The following DENND1B variants were observed in gnomAD, a reference collection of about 807,000 sequenced individuals.
DENND1B encodes the protein DENN domain containing 1B, also known as DENN domain-containing protein 1B.
A neutral mutation model predicts 90.1 loss-of-function variants in DENND1B; 59 were observed. That is an observed-to-expected ratio of 0.65 (90% CI 0.53 to 0.81). The LOEUF is 0.81. Among genes scored for constraint, DENND1B ranks in the 40% least tolerant of loss-of-function variants. The pLI, the probability that DENND1B is intolerant of heterozygous loss-of-function variation, is 0.00. For missense variants in DENND1B, 862 were observed against 912.6 expected, an observed-to-expected ratio of 0.94 and a Z score of 0.71; for synonymous variants, 337 against 324.6, an observed-to-expected ratio of 1.04 and a Z score of -0.41.
At chr1:197,707,368 T>C (rs894858825) in intron 3 of DENND1B, among the ~76,000 whole-genome samples, 3 of 151,868 alleles carry the variant, frequency 2.0e-5, no homozygotes, top group Non-Finnish European at 4.4e-5. Flanking sequence ...TGTAGGGTGA[T>C]TATAATTAAC....
chr1:197,524,787 T>C (rs1266523323), intron 20 of DENND1B, among the ~76,000 whole-genome samples: 1 of 152,168 alleles, frequency 6.6e-6, no homozygotes, highest in African/African-American at 2.4e-5. Context: ...TTATGGTATG[T>C]CCATTATGTT....
At chr1:197,714,943 G>A (rs868771050) in intron 3 of DENND1B, 88 bp downstream of exon 3, 1 of 938,438 alleles carries the variant, frequency 1.1e-6, no homozygotes, top group South Asian at 1.4e-5. Flanking sequence ...ATGTTCACTA[G>A]TAGTTATACT....
chr1:197,758,751 C>A (rs903468693), intron 2 of DENND1B, among the ~76,000 whole-genome samples: 1 of 152,026 alleles, frequency 6.6e-6, no homozygotes, highest in Non-Finnish European at 1.5e-5. Flanking sequence ...TGGCATCAAA[C>A]CCATTACTCC....
intron 2 of DENND1B, among the ~76,000 whole-genome samples, chr1:197,753,931 C>T (rs1653915339): frequency 6.6e-6 from 1 of 151,782 alleles, no homozygotes; most frequent in Admixed American, 6.6e-5. Context: ...ACCCGGGAGG[C>T]GGAGGTTGCA....
intron 11 of DENND1B, among the ~76,000 whole-genome samples, chr1:197,613,549 C>T (rs1359372630): frequency 6.6e-6 from 1 of 150,686 alleles, no homozygotes; most frequent in African/African-American, 2.4e-5. Context: ...AGATTTTCTA[C>T]CTTCAAAAGG....
intron 3 of DENND1B, among the ~76,000 whole-genome samples, chr1:197,683,086 A>ATATTCACT (rs1656859424): frequency 6.6e-6 from 1 of 152,128 alleles, no homozygotes; most frequent in African/African-American, 2.4e-5. Context: ...AAATAGATTA[A>ATATTCACT]CCAGGAAGCA....
intron 3 of DENND1B, among the ~76,000 whole-genome samples, chr1:197,693,358 C>T (rs1019809196): frequency 6.6e-6 from 1 of 151,628 alleles, no homozygotes; most frequent in African/African-American, 2.4e-5. Flanking sequence ...CATTCACCAT[C>T]ACAGTTAGTT....
chr1:197,672,125 T>A lies in DENND1B; in HGVS notation c.208A>T (p.Thr70Ser). The part of the protein sequence containing the change: ...VSQNQVGQHF[T>S]FVLTDIESKQ... ...CTTTCAATGTCTGTCAGTACAAAGG[T>A]AAAGTGCTGTCCAACTTGATTCTGA... Residue 70 changes from threonine (T) to serine (S), a missense_variant, in exon 5 of 23, where the codon ACC (threonine) becomes TCC (serine). Physicochemically the swap from Thr to Ser is moderately conservative, Grantham distance 58. Coordinates refer to ENST00000620048, the MANE Select transcript of DENND1B (RefSeq NM_001195215.2). 1.2e-6 allele frequency: 2 copies of A among 1,612,070 alleles called. No individual in the cohort carries two copies. Among genetic ancestry groups the A allele is most frequent in the Non-Finnish European group, 1.7e-6 (2 of 1,178,884 alleles).
chr1:197,624,449 A>G (rs1369486191), intron 10 of DENND1B, among the ~76,000 whole-genome samples: 1 of 151,678 alleles, frequency 6.6e-6, no homozygotes, highest in East Asian at 1.9e-4. Flanking sequence ...TAAATGTAAA[A>G]TGCAAAACTA....
In DENND1B at chr1:197,617,743, T is replaced by C; in HGVS notation, c.689A>G (p.His230Arg). ...SKLSTLTACI[H>R]GSAALLYPMY... Reference sequence around the variant, plus strand: ...TGGGTATAGAAGAGCAGCTGATCCATGGATACAGGCAGTTAACTGAAATTT... The same window carrying C: ...TGGGTATAGAAGAGCAGCTGATCCACGGATACAGGCAGTTAACTGAAATTT... The change falls in exon 11 of 23, where the codon CAT (histidine) becomes CGT (arginine). Residue 230 changes from histidine (H) to arginine (R), a missense_variant. Physicochemically the swap from His to Arg is conservative, Grantham distance 29. Coordinates refer to ENST00000620048, the MANE Select transcript of DENND1B (RefSeq NM_001195215.2). 6.2e-7 allele frequency: 1 copy of C among 1,607,272 alleles called. No individual in the cohort carries two copies. Among genetic ancestry groups the C allele is most frequent in the Non-Finnish European group, 8.5e-7 (1 of 1,175,240 alleles).
intron 2 of DENND1B, among the ~76,000 whole-genome samples, chr1:197,739,272 A>C (rs538819934): frequency 7.9e-5 from 12 of 152,352 alleles, no homozygotes; most frequent in Middle Eastern, 6.8e-3. Flanking sequence ...GGTTTCACCT[A>C]CCAAAGCTTA....
At chr1:197,625,305 C>T (rs1228559670) in intron 10 of DENND1B, among the ~76,000 whole-genome samples, 1 of 145,734 alleles carries the variant, frequency 6.9e-6, no homozygotes, top group East Asian at 2.0e-4. Flanking sequence ...ATCAGACTAA[C>T]AGCAGATCTC....
chr1:197,595,949 C>A (rs1675647713), intron 13 of DENND1B, among the ~76,000 whole-genome samples: 1 of 151,892 alleles, frequency 6.6e-6, no homozygotes, highest in African/African-American at 2.4e-5. Flanking sequence ...ATTCATATTC[C>A]CATTTATGAA....
At chr1:197,616,283 G>A (rs1332598395) in intron 11 of DENND1B, among the ~76,000 whole-genome samples, 1 of 150,882 alleles carries the variant, frequency 6.6e-6, no homozygotes, top group African/African-American at 2.4e-5. Flanking sequence ...TACTGCATAT[G>A]TCAACATAAA....
chr1:197,578,199 C>T (rs1340388194), intron 15 of DENND1B, among the ~76,000 whole-genome samples: 1 of 151,992 alleles, frequency 6.6e-6, no homozygotes, highest in African/African-American at 2.4e-5. Context: ...ATGTATTGTA[C>T]ATTTCAAAAT....
rs191384662 is a variant in DENND1B, at chr1:197,552,112, G to A, written c.1240+910C>T. 181 of 614,652 alleles carry A rather than the reference G, an allele frequency of 2.9e-4. No homozygotes were observed. In the African/African-American group the frequency reaches 3.5e-3, roughly 12 times the overall value. 38.1% of individuals were successfully genotyped at this position (614,652 alleles called of 1,614,324 possible). A position where few individuals can be genotyped will look rare whatever the true frequency, so the allele number is the denominator to read the frequency against. On this transcript the variant is annotated intron_variant, in intron 16 of 22. Transcript: ENST00000620048. ...AAATGTGTAGATGAGTACTTATTAC[G>A]TTTTGTCTTTTCATGTGTCATTTCT...
intron 2 of DENND1B, among the ~76,000 whole-genome samples, chr1:197,726,003 T>TAC (rs35137997): frequency 0.02 from 3,069 of 151,470 alleles, 102 homozygotes; most frequent in African/African-American, 0.069. Flanking sequence ...TATATACATA[T>TAC]ACACACACAC....
intron 2 of DENND1B, among the ~76,000 whole-genome samples, chr1:197,715,888 C>T (rs1432937320): frequency 1.3e-5 from 2 of 151,300 alleles, no homozygotes; most frequent in African/African-American, 4.9e-5. Context: ...CTTCTGAATA[C>T]TTCAAATGTG....
rs1655809068 is a variant in DENND1B at position 197,674,120 on chromosome 1, C to T, written c.176G>A (p.Arg59Lys). The T allele has an allele frequency of 1.9e-6, 3 of 1,593,862 alleles. No homozygotes were observed. The Admixed American group carries it at 5.1e-5, about 27-fold the overall frequency. ...PKFCFPFDVE[R>K]VSQNQVGQHF... ...ATTTTAAATGATACTTATACTGTACCTTTCAACGTCAAAGGGAAAACAGAA... is the reference window on the plus strand; with the variant it reads ...ATTTTAAATGATACTTATACTGTACTTTTCAACGTCAAAGGGAAAACAGAA... Residue 59 changes from arginine to lysine, a missense_variant and splice_region_variant, in exon 4 of 23, where the codon AGG becomes AAG. Coordinates refer to ENST00000620048, the MANE Select transcript of DENND1B (RefSeq NM_001195215.2).
Sources: gnomAD v4.1 joint callset for allele counts (sites outside exome capture counted in the v4.1 genomes callset) on GRCh38, gnomAD v4.1.1 for gene constraint, MANE v1.5 for transcripts, NCBI Gene and HGNC (gene_info 2026-07-23, HGNC 2026-07-21) for gene names.